IGF1: variants seen among roughly 807,000 people sequenced by gnomAD.
IGF1 encodes insulin like growth factor 1.
Under a neutral mutation model 13.8 loss-of-function variants are expected in IGF1, and 4 were observed. That is an observed-to-expected ratio of 0.29 (90% confidence interval 0.14 to 0.66). The LOEUF is 0.66. IGF1 is among the 30% of genes least tolerant of loss of function. The pLI, the probability that IGF1 is intolerant of heterozygous loss-of-function variation, is 0.78. For missense variants in IGF1, 124 were observed against 188.5 expected (o/e 0.66, Z 2.00); for synonymous variants, 76 against 72.6 (o/e 1.05, Z -0.23).
chr12:102,457,155 G>A (rs1279954955), intron 2 of IGF1, among the ~76,000 whole-genome samples: 6 of 152,108 alleles, frequency 3.9e-5, no homozygotes, highest in Non-Finnish European at 8.8e-5. Flanking sequence ...ATCCAATGTT[G>A]TCATGCTGAT....
chr12:102,415,537 C>T (rs1226056883), intron 3 of IGF1, among the ~76,000 whole-genome samples: 1 of 95,204 alleles, frequency 1.1e-5, no homozygotes, highest in Admixed American at 1.0e-4. Flanking sequence ...TTTGTTCTTC[C>T]TTCCCTTTCC....
rs537627968 is a variant in IGF1 at position 102,452,224 on chromosome 12, T to C, written c.220+23419A>G. 1.2e-3 allele frequency among the ~76,000 whole-genome samples: 142 copies of C among 114,192 alleles called. 1 individual carries two copies. The highest frequency in any genetic ancestry group is 4.8e-3 in the African/African-American group (141 of 29,650). 74.9% of individuals were successfully genotyped at this position (114,192 alleles called of 152,430 possible). Reference sequence around the variant, plus strand: ...TTGCAGTGAGCCGAGATCGCGCCACTGCACTCCAGCCTGGGCGACAGAGCG... The same window carrying C: ...TTGCAGTGAGCCGAGATCGCGCCACCGCACTCCAGCCTGGGCGACAGAGCG... On this transcript the variant is annotated intron_variant, in intron 2 of 3. Coordinates refer to ENST00000337514, the MANE Select transcript of IGF1 (RefSeq NM_000618.5).
chr12:102,444,609 A>G (rs1378730778), intron 2 of IGF1, among the ~76,000 whole-genome samples: 1 of 152,146 alleles, frequency 6.6e-6, no homozygotes, highest in Non-Finnish European at 1.5e-5. Context: ...TTTTAAATTT[A>G]TGATGACAAA....
intron 1 of IGF1, chr12:102,478,643 C>T: frequency 6.9e-7 from 1 of 1,442,366 alleles, no homozygotes; most frequent in Non-Finnish European, 9.2e-7. Context: ...GACACCCAGG[C>T]AGGTATGCTA....
chr12:102,438,281 A>G (rs1313362881), intron 2 of IGF1, among the ~76,000 whole-genome samples: 2 of 152,190 alleles, frequency 1.3e-5, no homozygotes, highest in African/African-American at 4.8e-5. Flanking sequence ...TGGCCTGCAC[A>G]TTGGCTGCTG....
At chr12:102,479,807 G>C (rs1265110016) in intron 1 of IGF1, among the ~76,000 whole-genome samples, 1 of 152,094 alleles carries the variant, frequency 6.6e-6, no homozygotes, top group Non-Finnish European at 1.5e-5. Context: ...TAGCTCCAAA[G>C]ATCATATTTA....
At chr12:102,442,088 T>A (rs889506395) in intron 2 of IGF1, among the ~76,000 whole-genome samples, 2 of 151,890 alleles carry the variant, frequency 1.3e-5, no homozygotes, top group African/African-American at 4.8e-5. Flanking sequence ...TAGCTGGGAC[T>A]GCAGGCATGC....
At chr12:102,447,494 T>C (rs1247241585) in intron 2 of IGF1, among the ~76,000 whole-genome samples, 2 of 152,234 alleles carry the variant, frequency 1.3e-5, no homozygotes, top group East Asian at 3.8e-4. Flanking sequence ...TTGTCTTTTT[T>C]TATCTTTGTT....
intron 2 of IGF1, among the ~76,000 whole-genome samples, chr12:102,465,346 A>G (rs1276718800): frequency 2.6e-5 from 4 of 152,212 alleles, no homozygotes; most frequent in African/African-American, 9.6e-5. Context: ...TGAGCCTCAG[A>G]ACAACTCAGA....
rs1314529865 is a variant in IGF1, at chr12:102,398,482, A to G, written c.*4025T>C. The G allele has an allele frequency of 5.9e-5, 9 of 152,234 alleles. No homozygotes were observed. The highest frequency in any genetic ancestry group is 4.6e-4 in the Admixed American group (7 of 15,272). 9.4% of individuals were successfully genotyped at this position (152,234 alleles called of 1,614,324 possible). A position where few individuals can be genotyped will look rare whatever the true frequency, so the allele number is the denominator to read the frequency against. ...ATCTTTTAAATTCTTCTATTTGCCT[A>G]TAAGATCTTTTTTCCCGCGTTTATT... On this transcript the variant is annotated 3_prime_UTR_variant, in exon 4 of 4. Transcript: ENST00000337514.
intron 2 of IGF1, among the ~76,000 whole-genome samples, chr12:102,441,943 C>CTTCTTCTTCTTCTTCTTCTTCTT: frequency 7.2e-6 from 1 of 139,146 alleles, no homozygotes; most frequent in South Asian, 2.3e-4. Context: ...TCTTCTTCTT[C>CTTCTTCTTCTTCTTCTTCTTCTT]TTCTTCTTCT....
chr12:102,412,366 G>A (rs1203619004), intron 3 of IGF1, among the ~76,000 whole-genome samples: 1 of 152,004 alleles, frequency 6.6e-6, no homozygotes, highest in East Asian at 1.9e-4. Context: ...TGTAATGGGT[G>A]CAACAATGCT....
chr12:102,404,828 G>T (rs1241841116), intron 3 of IGF1, among the ~76,000 whole-genome samples: 1 of 149,802 alleles, frequency 6.7e-6, no homozygotes, highest in Non-Finnish European at 1.5e-5. Flanking sequence ...CGCGTTCTCA[G>T]CTCACTGCAA....
At chr12:102,417,509 TATTTA>T (rs1875246399) in intron 3 of IGF1, 2 of 1,002,056 alleles carry the variant, frequency 2.0e-6, no homozygotes, top group African/African-American at 3.4e-5. Flanking sequence ...TAAATTCTTT[TATTTA>T]ATTGTGTTTT....
chr12:102,407,275 G>A (rs745591345), intron 3 of IGF1, among the ~76,000 whole-genome samples: 6 of 152,102 alleles, frequency 3.9e-5, no homozygotes, highest in Non-Finnish European at 5.9e-5. Context: ...TCAGTCCCAC[G>A]TACAAGCTGA....
intron 2 of IGF1, among the ~76,000 whole-genome samples, chr12:102,424,968 A>T (rs1465262047): frequency 1.3e-5 from 2 of 152,218 alleles, no homozygotes; most frequent in African/African-American, 2.4e-5. Context: ...CTTAGTAAAG[A>T]TATGGAAAGA....
chr12:102,447,043 G>T (rs1388474702), intron 2 of IGF1, among the ~76,000 whole-genome samples: 2 of 152,152 alleles, frequency 1.3e-5, no homozygotes, highest in African/African-American at 4.8e-5. Flanking sequence ...TTTTGAGTGA[G>T]TTTCTTGATC....
At chr12:102,478,736 C>T (rs913773386) in intron 1 of IGF1, 36 of 1,044,996 alleles carry the variant, frequency 3.4e-5, no homozygotes, top group Middle Eastern at 3.0e-4. Flanking sequence ...TCTTTTCCCC[C>T]CAGTCAAGCC....
At chr12:102,433,290 G>A (rs939075749) in intron 2 of IGF1, among the ~76,000 whole-genome samples, 3 of 152,198 alleles carry the variant, frequency 2.0e-5, no homozygotes, top group African/African-American at 7.2e-5. Context: ...TCAGTACCAG[G>A]GATAAGAAGT....
Sources: gnomAD v4.1 joint callset for allele counts (sites outside exome capture counted in the v4.1 genomes callset) on GRCh38, gnomAD v4.1.1 for gene constraint, MANE v1.5 for transcripts, NCBI Gene and HGNC (gene_info 2026-07-23, HGNC 2026-07-21) for gene names.